The following FGFR4 variants were observed in gnomAD, a reference collection of about 807,000 sequenced individuals.
FGFR4 encodes the protein fibroblast growth factor receptor 4, also known as hydroxyaryl-protein kinase.
FGFR4 carries 63 observed loss-of-function variants against 89.9 expected under a neutral mutation model. That is an observed-to-expected ratio of 0.70 (90% confidence interval 0.57 to 0.86). The LOEUF is 0.86. FGFR4 is among the 40% of genes least tolerant of loss of function. FGFR4 has a pLI of 0.00. For missense variants in FGFR4, 928 were observed against 1,106.7 expected (o/e 0.84, Z 2.29); for synonymous variants, 486 against 479.4 (o/e 1.01, Z -0.18).
Position 177,096,850 on chromosome 5 carries a change from C to CCTCG in FGFR4, c.2153+110_2153+113dup, listed in dbSNP as rs1178502113. ...CAGAAGGACAACACTAACAACAACT[C>CCTCG]CTCGTCCTCCTCCTCCTCTTCCTCT... On this transcript the variant is annotated intron_variant, in intron 16 of 17. Transcript: ENST00000292408. 2.8e-5 allele frequency: 35 copies of CCTCG among 1,244,484 alleles called. No homozygotes were observed. The African/African-American group carries it at 4.7e-4, about 17-fold the overall frequency. The allele number at this position is 1,244,484 out of a possible 1,614,324, so 77.1% of individuals were successfully genotyped here.
At chr5:177,094,969 G>A (rs1784496240) in intron 11 of FGFR4, 1 of 240,318 alleles carries the variant, frequency 4.2e-6, no homozygotes, top group African/African-American at 2.2e-5. Flanking sequence ...CTGACCCCAT[G>A]CGGGGACTAC....
At position 177,095,835 on chromosome 5, in the gene FGFR4, C is replaced by T. The variant is rs1784540643; in HGVS notation, c.1821+112C>T. The T allele has an allele frequency of 1.0e-5, 13 of 1,277,832 alleles. No individual in the cohort carries two copies. In the South Asian group the frequency reaches 1.7e-4, roughly 17 times the overall value. The allele number at this position is 1,277,832 out of a possible 1,614,324, so 79.2% of individuals were successfully genotyped here. On this transcript the variant is annotated intron_variant, in intron 13 of 17. Coordinates refer to ENST00000292408, the MANE Select transcript of FGFR4 (RefSeq NM_213647.3). This position sits in a 1 kb window ranked among gnomAD's most constrained non-coding sequence, Gnocchi z 5.7. ...TCTGCTCTTTTTCATGACCCCACCTCAGTGTCCCCAGGCATTCACGCTTTC... is the reference window on the plus strand; with the variant it reads ...TCTGCTCTTTTTCATGACCCCACCTTAGTGTCCCCAGGCATTCACGCTTTC...
In FGFR4 at chr5:177,095,769, A is replaced by G; in HGVS notation, c.1821+46A>G. ...AGCCCCTCTCAGTCTCTCCAGCTCC[A>G]CTCTCAGGCCTGTGGCATTCAATGT... is the stretch of plus-strand genomic sequence containing the variant. On this transcript the variant is annotated intron_variant, in intron 13 of 17. Transcript: ENST00000292408. The surrounding 1 kb of genome is among the most constrained non-coding windows in gnomAD (Gnocchi z 5.7). 2.0e-6 allele frequency: 3 copies of G among 1,498,198 alleles called. No homozygotes were observed. Among genetic ancestry groups the G allele is most frequent in the Non-Finnish European group, 2.7e-6 (3 of 1,121,452 alleles). 92.8% of individuals were successfully genotyped at this position (1,498,198 alleles called of 1,614,324 possible).
At position 177,095,019 on chromosome 5, in the gene FGFR4, G is replaced by A. The variant is rs1480109335; in HGVS notation, c.1520-311G>A. On this transcript the variant is annotated intron_variant, in intron 11 of 17. Transcript: ENST00000292408. The surrounding 1 kb of genome is among the most constrained non-coding windows in gnomAD (Gnocchi z 5.7). ...GCGGCAGCTTCCTTCCTTCCTTCCT[G>A]CTCCGAGCTCTTCCCCTCTCTCCTG... 8.7e-6 allele frequency: 3 copies of A among 346,266 alleles called. No homozygotes were observed. The highest frequency in any genetic ancestry group is 4.2e-5 in the African/African-American group (2 of 48,018). 21.4% of individuals were successfully genotyped at this position (346,266 alleles called of 1,614,324 possible). A position where few individuals can be genotyped will look rare whatever the true frequency, so the allele number is the denominator to read the frequency against.
At position 177,093,430 on chromosome 5, in the gene FGFR4, G is replaced by T. The variant is rs55879131; in HGVS notation, c.1276G>T (p.Gly426Cys). The T allele has an allele frequency of 1.2e-6, 2 of 1,614,080 alleles. No homozygotes were observed. The highest frequency in any genetic ancestry group is 2.2e-5 in the South Asian group (2 of 91,088). ...RQFSLESGSS[G>C]KSSSSLVRGV... ...GTTCTCCCTGGAGTCAGGCTCTTCC[G>T]GCAAGTCAAGCTCATCCCTGGTACG... is the stretch of plus-strand genomic sequence containing the variant. Residue 426 changes from glycine (G) to cysteine (C), a missense_variant, in exon 10 of 18, where the codon GGC becomes TGC. Physicochemically the swap from Gly to Cys is radical, Grantham distance 159 (BLOSUM62 -3). Transcript: ENST00000292408. The surrounding 1 kb of genome is among the most constrained non-coding windows in gnomAD (Gnocchi z 5.8).
chr5:177,089,242 T>C (rs1215948580), intron 1 of FGFR4, among the ~76,000 whole-genome samples: 1 of 152,228 alleles, frequency 6.6e-6, no homozygotes, highest in Admixed American at 6.5e-5. Context: ...GCAGAAGATA[T>C]GTCTCCGTTC....
At chr5:177,097,490 G>A (rs749619542) in intron 17 of FGFR4, 37 bp from the exon 18 acceptor site, 43 of 1,592,996 alleles carry the variant, frequency 2.7e-5, no homozygotes, top group Non-Finnish European at 3.2e-5. Context: ...GTCCCATCCC[G>A]GGCGCTGCAG....
intron 1 of FGFR4, among the ~76,000 whole-genome samples, chr5:177,088,782 C>G (rs564393718): frequency 1.3e-5 from 2 of 151,364 alleles, no homozygotes; most frequent in African/African-American, 4.9e-5. Flanking sequence ...GTTCTAGGGC[C>G]GGGCACAGGG....
intron 5 of FGFR4, 119 bp from the exon 6 acceptor site, chr5:177,091,566 C>T: frequency 1.4e-6 from 2 of 1,405,904 alleles, no homozygotes; most frequent in Non-Finnish European, 1.9e-6. Context: ...GCCTGATGTT[C>T]TCAGGGCCTA....
At chr5:177,089,366 C>T (rs775386051) in intron 1 of FGFR4, among the ~76,000 whole-genome samples, 184 bp from the exon 2 acceptor site, 2 of 152,258 alleles carry the variant, frequency 1.3e-5, no homozygotes, top group East Asian at 3.9e-4. Context: ...CACAACCTAC[C>T]GTGGGGAGGC....
In FGFR4 at chr5:177,090,479, G is replaced by A. The variant is rs138727638; in HGVS notation, c.181G>A (p.Glu61Lys). The A allele has an allele frequency of 5.7e-6, 9 of 1,591,862 alleles. No individual in the cohort carries two copies. In the African/African-American group the frequency reaches 9.4e-5, roughly 17 times the overall value. The change falls in exon 3 of 18, where the codon GAG becomes AAG. Residue 61 changes from glutamate to lysine, a missense_variant. Glu to Lys is a moderately conservative substitution (Grantham distance 56). Around this residue, in one of 5 missense-constraint regions of FGFR4, gnomAD observed 741 missense variants for 836.9 expected, o/e 0.89. Transcript: ENST00000292408. ...QPVRLCCGRA[E>K]RGGHWYKEGS... ...TGTGCGTCTGTGCTGTGGGCGGGCT[G>A]AGCGTGGTGGCCACTGGTACAAGGA...
chr5:177,097,091 CTCCTCCTCCTGCTCCTCT>C lies in FGFR4; in HGVS notation c.2154-190_2154-173del. The C allele has an allele frequency of 2.9e-5, 6 of 204,722 alleles. 2 individuals carry two copies. The highest frequency in any genetic ancestry group is 3.0e-4 in the East Asian group (2 of 6,754). The allele number at this position is 204,722 out of a possible 1,614,324, so 12.7% of individuals were successfully genotyped here. On this transcript the variant is annotated intron_variant, in intron 16 of 17. Transcript: ENST00000292408. The stretch of plus-strand genomic sequence containing the variant: ...TCTCTTCCTCCTCCTTCTCTTCCTC[CTCCTCCTCCTGCTCCTCT>C]TCCTCCTCCTCCTCTTCCTCCTCCT...
At position 177,087,479 on chromosome 5, in the gene FGFR4, C is replaced by T; in HGVS notation, c.-54+402C>T. On this transcript the variant is annotated intron_variant, in intron 1 of 17. Coordinates refer to ENST00000292408, the MANE Select transcript of FGFR4 (RefSeq NM_213647.3). The surrounding 1 kb of genome is among the most constrained non-coding windows in gnomAD (Gnocchi z 6.1). ...CCCCGAAAAGTTCAGTCACTTAGTG[C>T]CCGGGGGCCTCCAGCGCGAGTGCGG... is the stretch of plus-strand genomic sequence containing the variant. The T allele has an allele frequency of 1.5e-6, 1 of 663,880 alleles. No homozygotes were observed. The highest frequency in any genetic ancestry group is 6.9e-5 in the South Asian group (1 of 14,466). 41.1% of individuals were successfully genotyped at this position (663,880 alleles called of 1,614,324 possible).
chr5:177,091,488 AAAGGCTCAAACCC>A (rs1350240499), intron 5 of FGFR4, among the ~76,000 whole-genome samples, 184 bp from the exon 6 acceptor site: 1 of 152,214 alleles, frequency 6.6e-6, no homozygotes, highest in African/African-American at 2.4e-5. Flanking sequence ...CTAAAATTCC[AAAGGCTCAAACCC>A]AAGGCTCAAG....
At chr5:177,088,978 G>A (rs945161523) in intron 1 of FGFR4, among the ~76,000 whole-genome samples, 1 of 152,210 alleles carries the variant, frequency 6.6e-6, no homozygotes, top group Non-Finnish European at 1.5e-5. Context: ...AACCGTGTGT[G>A]CCTCAGATGG....
At chr5:177,096,429 A>G (rs1447503708) in intron 15 of FGFR4, 72 bp downstream of exon 15, 1 of 1,585,478 alleles carries the variant, frequency 6.3e-7, no homozygotes, top group East Asian at 2.2e-5. Flanking sequence ...ACGTGGCCCC[A>G]GGAGTCATGC....
rs188755817 is a variant in FGFR4 at position 177,097,601 on chromosome 5, C to G, written c.2334C>G (p.Ser778Arg). 63 of 1,614,180 alleles carry G rather than the reference C, an allele frequency of 3.9e-5. No homozygotes were observed. The Admixed American group carries it at 9.7e-4, about 25-fold the overall frequency. Reference protein sequence around the residue: ...GGDASSTCSSSDSVFSHDPLP... With the variant: ...GGDASSTCSSRDSVFSHDPLP... ...ACGCCAGCAGCACCTGCTCCTCCAG[C>G]GATTCTGTCTTCAGCCACGACCCCC... Residue 778 changes from serine to arginine, a missense_variant, in exon 18 of 18, where the codon AGC (serine) becomes AGG (arginine). Ser to Arg is a moderately radical substitution (Grantham distance 110). Coordinates refer to ENST00000292408, the MANE Select transcript of FGFR4 (RefSeq NM_213647.3).
chr5:177,095,401 A>G lies in FGFR4; in HGVS notation c.1591A>G (p.Lys531Glu), dbSNP rs1230890826. ...MEVMKLIGRH[K>E]NIINLLGVCT... The stretch of plus-strand genomic sequence containing the variant: ...GGTGATGAAGCTGATCGGCCGACAC[A>G]AGAACATCATCAACCTGCTTGGTGT... The change falls in exon 12 of 18, where the codon AAG becomes GAG. Residue 531 changes from lysine to glutamate, a missense_variant. Physicochemically the swap from Lys to Glu is moderately conservative, Grantham distance 56. Transcript: ENST00000292408. This position sits in a 1 kb window ranked among gnomAD's most constrained non-coding sequence, Gnocchi z 5.7. 1.9e-6 allele frequency: 3 copies of G among 1,614,130 alleles called. No homozygotes were observed. In the South Asian group the frequency reaches 3.3e-5, roughly 18 times the overall value.
At chr5:177,092,188 C>A in intron 6 of FGFR4, 133 bp from the exon 7 acceptor site, 2 of 932,726 alleles carry the variant, frequency 2.1e-6, no homozygotes, top group South Asian at 2.1e-5. Context: ...AAGGTTTAAG[C>A]AGGGTAAGCA....
Sources: gnomAD v4.1 joint callset for allele counts (sites outside exome capture counted in the v4.1 genomes callset) on GRCh38, gnomAD v4.1.1 for gene constraint, gnomAD v4.1.1 regional missense constraint, Gnocchi (gnomAD v3.1) non-coding constraint, MANE v1.5 for transcripts, NCBI Gene and HGNC (gene_info 2026-07-23, HGNC 2026-07-21) for gene names.